The following ARMH4 variants were observed in gnomAD, a reference collection of about 807,000 sequenced individuals.
ARMH4 encodes the protein armadillo-like helical domain-containing protein 4.
ARMH4 carries 49 observed loss-of-function variants against 61.9 expected under a neutral mutation model. The observed-to-expected ratio is 0.79, with a 90% CI of 0.63 to 1.00. The LOEUF (loss-of-function observed/expected upper bound fraction) is 1.00, where lower values mean the gene tolerates loss of function less well. Among genes scored for constraint, ARMH4 ranks in the 50% least tolerant of loss-of-function variants. The probability of loss-of-function intolerance (pLI) is 0.00; values close to 1 mark genes in which losing one functional copy is unlikely to be tolerated. For synonymous variants in ARMH4, 368 were observed against 341.5 expected, an observed-to-expected ratio of 1.08 and a Z score of -0.85; for missense variants, 934 against 930.0, an observed-to-expected ratio of 1.00 and a Z score of -0.06.
intron 6 of ARMH4, among the ~76,000 whole-genome samples, chr14:58,007,970 G>C (rs561835185): frequency 4.6e-5 from 7 of 152,058 alleles, no homozygotes; most frequent in Non-Finnish European, 8.8e-5. Context: ...CCAGATTAAA[G>C]GAAATTAAAG....
In ARMH4 at chr14:58,130,523, A is replaced by C. The variant is rs148551373; in HGVS notation, c.1831+989T>G. ...TTAGTTTAAGAAATTCTGCACTATA[A>C]ATCTCTGGACATTTTGTATCTCCAG... On this transcript the variant is annotated intron_variant, in intron 4 of 7. Coordinates refer to ENST00000267485, the MANE Select transcript of ARMH4 (RefSeq NM_001001872.4). Among the ~76,000 whole-genome samples, 168 of 152,340 alleles carry C rather than the reference A, an allele frequency of 1.1e-3. 2 individuals are homozygous for C. The highest frequency in any genetic ancestry group is 4.0e-3 in the African/African-American group (166 of 41,582).
chr14:58,091,743 A>AG (rs1304729064), intron 5 of ARMH4, among the ~76,000 whole-genome samples: 1 of 152,180 alleles, frequency 6.6e-6, no homozygotes, highest in African/African-American at 2.4e-5. Flanking sequence ...TAAATCTGAA[A>AG]ATGAACCTGT....
intron 5 of ARMH4, among the ~76,000 whole-genome samples, chr14:58,032,650 C>G (rs1394230280): frequency 6.6e-6 from 1 of 151,508 alleles, no homozygotes; most frequent in Non-Finnish European, 1.5e-5. Context: ...CCGGGTTCAT[C>G]TCACTAGGGA....
chr14:58,131,577 A>G lies in ARMH4; in HGVS notation c.1766T>C (p.Val589Ala), dbSNP rs779413486. Residue 589 changes from valine (V) to alanine (A), a missense_variant, in exon 4 of 8, where the codon GTT becomes GCT. Physicochemically the swap from Val to Ala is moderately conservative, Grantham distance 64. Transcript: ENST00000267485. ...ALEASSERRT[V>A]VPSITRVNTA... ...ATTAACACGAGTAATAGATGGAACA[A>G]CAGTTCTTCTCTCAGAGGATGCCTC... is the stretch of plus-strand genomic sequence containing the variant. The G allele has an allele frequency of 1.1e-5, 17 of 1,614,200 alleles. No homozygotes were observed. Among genetic ancestry groups the G allele is most frequent in the Non-Finnish European group, 1.4e-5 (16 of 1,180,028 alleles).
chr14:58,124,888 G>C (rs1886845981), intron 4 of ARMH4, among the ~76,000 whole-genome samples: 1 of 152,034 alleles, frequency 6.6e-6, no homozygotes, highest in Non-Finnish European at 1.5e-5. Flanking sequence ...CCCTCACTTG[G>C]GCACTAAAAT....
At position 58,064,558 on chromosome 14, in the gene ARMH4, A is replaced by G. The variant is rs561692449; in HGVS notation, c.2089+32166T>C. On this transcript the variant is annotated intron_variant, in intron 5 of 7. Coordinates refer to ENST00000267485, the MANE Select transcript of ARMH4 (RefSeq NM_001001872.4). ...TAATGTTGATACTTTGAAAAACTCCATTCCTACAATTAGCACCAGAGCAAT... is the reference window on the plus strand; with the variant it reads ...TAATGTTGATACTTTGAAAAACTCCGTTCCTACAATTAGCACCAGAGCAAT... 9.2e-5 allele frequency among the ~76,000 whole-genome samples: 14 copies of G among 152,344 alleles called. No individual in the cohort carries two copies. The South Asian group carries it at 1.4e-3, about 16-fold the overall frequency.
chr14:58,005,221 G>A (rs898007339), intron 6 of ARMH4, 39 bp from the exon 7 acceptor site: 4 of 1,612,968 alleles, frequency 2.5e-6, no homozygotes, highest in Non-Finnish European at 2.5e-6. Context: ...ATGCTAAACA[G>A]AGCGCGCCGC....
chr14:58,129,086 T>G (rs902820595), intron 4 of ARMH4, among the ~76,000 whole-genome samples: 1 of 152,222 alleles, frequency 6.6e-6, no homozygotes. Context: ...GGCTCCAGAC[T>G]GCGTAAGAAT....
intron 4 of ARMH4, among the ~76,000 whole-genome samples, chr14:58,117,625 A>T (rs1046916187): frequency 1.3e-5 from 2 of 152,152 alleles, no homozygotes; most frequent in Admixed American, 6.5e-5. Flanking sequence ...CAGAATAAGC[A>T]CTCAGTATAT....
rs921364800 is a variant in ARMH4 at position 58,021,296 on chromosome 14, A to G, written c.2090-9146T>C. On this transcript the variant is annotated intron_variant, in intron 5 of 7. Coordinates refer to ENST00000267485, the MANE Select transcript of ARMH4 (RefSeq NM_001001872.4). ...TAAATCATGGGGGTGGGTTTTTCCCATGCTGTTCTCATGATAGTGATTAAG... is the reference window on the plus strand; with the variant it reads ...TAAATCATGGGGGTGGGTTTTTCCCGTGCTGTTCTCATGATAGTGATTAAG... 3.3e-5 allele frequency among the ~76,000 whole-genome samples: 5 copies of G among 152,116 alleles called. No homozygotes were observed. In the South Asian group the frequency reaches 6.2e-4, roughly 19 times the overall value.
intron 5 of ARMH4, among the ~76,000 whole-genome samples, chr14:58,078,230 T>C (rs1350943781): frequency 6.6e-6 from 1 of 152,250 alleles, no homozygotes; most frequent in East Asian, 1.9e-4. Flanking sequence ...CACAGCTGCA[T>C]GTGGCTGCTG....
chr14:58,041,910 T>C (rs1393654600), intron 5 of ARMH4, among the ~76,000 whole-genome samples: 1 of 152,126 alleles, frequency 6.6e-6, no homozygotes, highest in Non-Finnish European at 1.5e-5. Flanking sequence ...CTTAAATATA[T>C]ATGCACCCAA....
At position 58,136,187 on chromosome 14, in the gene ARMH4, T is replaced by C. The variant is rs745841529; in HGVS notation, c.1369+1803A>G. Reference sequence around the variant, plus strand: ...GTAGTGGCCTTTTAAAAGATTATAATTTGCTGAGGCAATTATGACTAAGAA... The same window carrying C: ...GTAGTGGCCTTTTAAAAGATTATAACTTGCTGAGGCAATTATGACTAAGAA... On this transcript the variant is annotated intron_variant, in intron 2 of 7. Coordinates refer to ENST00000267485, the MANE Select transcript of ARMH4 (RefSeq NM_001001872.4). Among the ~76,000 whole-genome samples the C allele has an allele frequency of 2.2e-3, 339 of 152,272 alleles. 2 individuals carry two copies. Among genetic ancestry groups the C allele is most frequent in the Non-Finnish European group, 5.0e-4 (34 of 67,978 alleles).
chr14:58,096,648 A>C, intron 5 of ARMH4, 76 bp downstream of exon 5: 3 of 1,500,538 alleles, frequency 2.0e-6, no homozygotes, highest in Non-Finnish European at 1.8e-6. Context: ...ATAGATGGCA[A>C]TGAAAGAAGG....
In ARMH4 at chr14:58,066,377, A is replaced by G. The variant is rs1884699970; in HGVS notation, c.2089+30347T>C. Among the ~76,000 whole-genome samples, 6 of 152,322 alleles carry G rather than the reference A, an allele frequency of 3.9e-5. No individual in the cohort carries two copies. The South Asian group carries it at 1.2e-3, about 32-fold the overall frequency. Reference sequence around the variant, plus strand: ...AGAATAGGTAAATCTGTAGAGACAGAAAGCAATCTAGTGGTTGCCAGGGCT... The same window carrying G: ...AGAATAGGTAAATCTGTAGAGACAGGAAGCAATCTAGTGGTTGCCAGGGCT... On this transcript the variant is annotated intron_variant, in intron 5 of 7. Coordinates refer to ENST00000267485, the MANE Select transcript of ARMH4 (RefSeq NM_001001872.4).
intron 5 of ARMH4, among the ~76,000 whole-genome samples, chr14:58,077,470 C>T (rs1339889966): frequency 9.2e-5 from 14 of 152,056 alleles, no homozygotes; most frequent in African/African-American, 3.4e-4. Context: ...AGTCAGGAAG[C>T]GTGGTGCACA....
chr14:58,092,881 T>A (rs188571059), intron 5 of ARMH4, among the ~76,000 whole-genome samples: 197 of 151,348 alleles, frequency 1.3e-3, no homozygotes, highest in African/African-American at 4.4e-3. Context: ...AGTGGCATAA[T>A]CATGGCTTAT....
rs1483493535 is a variant in ARMH4, at chr14:58,014,046, A to AAGAG, written c.2090-1897_2090-1896insCTCT. ...CTCAAAAAAAAGAAAGAAAGAAAGAAAGTCATTGGAACTCAAACCTGATTT... is the reference window on the plus strand; with the variant it reads ...CTCAAAAAAAAGAAAGAAAGAAAGAAAGAGAGTCATTGGAACTCAAACCTGATTT... On this transcript the variant is annotated intron_variant, in intron 5 of 7. Coordinates refer to ENST00000267485, the MANE Select transcript of ARMH4 (RefSeq NM_001001872.4). Among the ~76,000 whole-genome samples the AAGAG allele has an allele frequency of 2.0e-5, 3 of 151,266 alleles. No homozygotes were observed. The East Asian group carries it at 5.8e-4, about 29-fold the overall frequency.
intron 4 of ARMH4, among the ~76,000 whole-genome samples, chr14:58,099,443 C>T (rs1018897994): frequency 1.3e-5 from 2 of 152,088 alleles, no homozygotes; most frequent in Admixed American, 1.3e-4. Flanking sequence ...TCTCCAAGGG[C>T]CCGAGTAAGA....
Sources: allele counts gnomAD v4.1 joint callset (sites outside exome capture counted in the v4.1 genomes callset), GRCh38; gene constraint gnomAD v4.1.1; transcripts MANE v1.5; gene names NCBI Gene and HGNC (gene_info 2026-07-23, HGNC 2026-07-21).